The following IRAG1 variants were observed in gnomAD, a reference collection of about 807,000 sequenced individuals.
IRAG1 encodes the protein inositol 1,4,5-triphosphate receptor associated 1, also known as IP3R-associated cGMP kinase substrate.
IRAG1 carries 62 observed loss-of-function variants against 106.2 expected under a neutral mutation model. The observed-to-expected ratio is 0.58, with a 90% CI of 0.48 to 0.72. The LOEUF (loss-of-function observed/expected upper bound fraction) is 0.72, where lower values mean the gene tolerates loss of function less well. IRAG1 is among the 30% of genes least tolerant of loss of function. The probability of loss-of-function intolerance (pLI) is 0.00; values close to 1 mark genes in which losing one functional copy is unlikely to be tolerated. For synonymous variants in IRAG1, 462 were observed against 443.9 expected (o/e 1.04, Z -0.51); for missense variants, 1,064 against 1,140.7 (o/e 0.93, Z 0.97).
At chr11:10,649,355 A>T (rs1589914839) in intron 2 of IRAG1, among the ~76,000 whole-genome samples, 1 of 152,194 alleles carries the variant, frequency 6.6e-6, no homozygotes, top group African/African-American at 2.4e-5. Context: ...CCCCAGCTTC[A>T]TGGTCCCTCA....
chr11:10,693,538 A>G lies in IRAG1; in HGVS notation c.65T>C (p.Leu22Ser). The G allele has an allele frequency of 6.5e-7, 1 of 1,535,640 alleles. No homozygotes were observed. The highest frequency in any genetic ancestry group is 8.7e-7 in the Non-Finnish European group (1 of 1,146,864). Residue 22 changes from leucine (L) to serine (S), a missense_variant and splice_region_variant, in exon 1 of 21, where the codon TTA becomes TCA. By Grantham distance (145) the Leu-to-Ser change is moderately radical. Transcript: ENST00000423302. ...ARGGKENNSV[L>S]ACGAQASWSI... ...TCTAGGATATAGGGGAGGCTTACCT[A>G]AAACTGAGTTATTCTCCTTTCCTCC...
chr11:10,623,165 G>A (rs1024056866), intron 10 of IRAG1, among the ~76,000 whole-genome samples: 3 of 152,202 alleles, frequency 2.0e-5, no homozygotes, highest in African/African-American at 7.2e-5. Flanking sequence ...GAATGGGGCC[G>A]AGGAAGGGTG....
chr11:10,664,092 T>C (rs1277589217), intron 1 of IRAG1, among the ~76,000 whole-genome samples: 2 of 152,158 alleles, frequency 1.3e-5, no homozygotes, highest in South Asian at 2.1e-4. Flanking sequence ...TTGATCATTC[T>C]AGATCCCAGC....
At position 10,647,811 on chromosome 11, in the gene IRAG1, G is replaced by A. The variant is rs1402270722; in HGVS notation, c.225+4214C>T. Among the ~76,000 whole-genome samples, 1 of 152,194 alleles carries A rather than the reference G, an allele frequency of 6.6e-6. No individual in the cohort carries two copies. The highest frequency in any genetic ancestry group is 1.5e-5 in the Non-Finnish European group (1 of 68,040). ...GTAAGGCGGAGATGGGCTGGTATGTGTCCTGAGCGGAGGTTAGGAAGGCTC... is the reference window on the plus strand; with the variant it reads ...GTAAGGCGGAGATGGGCTGGTATGTATCCTGAGCGGAGGTTAGGAAGGCTC... On this transcript the variant is annotated intron_variant, in intron 2 of 20. Transcript: ENST00000423302. This position sits in a 1 kb window ranked among gnomAD's most constrained non-coding sequence, Gnocchi z 4.3.
chr11:10,638,184 A>T (rs538486077), intron 2 of IRAG1, among the ~76,000 whole-genome samples: 3 of 152,336 alleles, frequency 2.0e-5, no homozygotes, highest in South Asian at 4.1e-4. Context: ...AGTGTTTACA[A>T]GTTTTTAAAT....
intron 9 of IRAG1, among the ~76,000 whole-genome samples, chr11:10,624,537 C>A (rs1469667729): frequency 6.6e-6 from 1 of 152,276 alleles, no homozygotes; most frequent in South Asian, 2.1e-4. Context: ...AGGCACCTGG[C>A]AGAGCTCCTT....
intron 7 of IRAG1, 64 bp downstream of exon 7, chr11:10,627,909 G>C (rs1856378632): frequency 1.3e-6 from 2 of 1,576,622 alleles, no homozygotes; most frequent in East Asian, 4.5e-5. Context: ...GCCTCCTGGT[G>C]TTCGGGGTAA....
intron 2 of IRAG1, among the ~76,000 whole-genome samples, chr11:10,635,425 G>A (rs982670498): frequency 6.6e-6 from 1 of 152,174 alleles, no homozygotes; most frequent in Non-Finnish European, 1.5e-5. Context: ...AGCAGTGGGT[G>A]CCCACTGTCT....
intron 8 of IRAG1, 83 bp downstream of exon 8, chr11:10,627,633 G>T: frequency 6.7e-7 from 1 of 1,492,252 alleles, no homozygotes; most frequent in Non-Finnish European, 9.3e-7. Context: ...ACACTTGAAG[G>T]CTGCCCAGGA....
At chr11:10,635,122 G>A (rs976861351) in intron 2 of IRAG1, among the ~76,000 whole-genome samples, 2 of 152,202 alleles carry the variant, frequency 1.3e-5, no homozygotes, top group African/African-American at 2.4e-5. Context: ...GGAAAAGGTA[G>A]TGGCACCCAC....
At chr11:10,684,971 TC>T (rs1861559099) in intron 1 of IRAG1, among the ~76,000 whole-genome samples, 1 of 152,204 alleles carries the variant, frequency 6.6e-6, no homozygotes, top group Admixed American at 6.5e-5. Context: ...AAGAGGCCCT[TC>T]CTGAGCTCTG....
chr11:10,676,526 G>C (rs10770132), intron 1 of IRAG1, among the ~76,000 whole-genome samples: 1 of 151,990 alleles, frequency 6.6e-6, no homozygotes, highest in Non-Finnish European at 1.5e-5. Flanking sequence ...GAATGAGCAC[G>C]TGACTCAGAC....
Position 10,573,340 on chromosome 11 carries a change from AC to A in IRAG1, c.*2991del, listed in dbSNP as rs2134025339. 1 of 152,320 alleles carries A rather than the reference AC, an allele frequency of 6.6e-6. No homozygotes were observed. Among genetic ancestry groups the A allele is most frequent in the East Asian group, 1.9e-4 (1 of 5,170 alleles). 9.4% of individuals were successfully genotyped at this position (152,320 alleles called of 1,614,324 possible). ...AATGACACAAACACATCACTCTGCA[AC>A]TGAAGGCAGGGAACCAGACTCCTAG... On this transcript the variant is annotated 3_prime_UTR_variant, in exon 21 of 21. Coordinates refer to ENST00000423302, the MANE Select transcript of IRAG1 (RefSeq NM_130385.4).
intron 1 of IRAG1, among the ~76,000 whole-genome samples, chr11:10,662,225 G>A (rs1274923579): frequency 6.6e-6 from 1 of 152,136 alleles, no homozygotes; most frequent in South Asian, 2.1e-4. Flanking sequence ...TGGCCAACAT[G>A]GTGAAACCCC....
chr11:10,578,321 A>T (rs1851038790), intron 20 of IRAG1, among the ~76,000 whole-genome samples: 1 of 152,242 alleles, frequency 6.6e-6, no homozygotes, highest in African/African-American at 2.4e-5. Context: ...CAAAAGTTTT[A>T]TCTTGTCCCT....
At chr11:10,680,401 G>GAAGGAAAGA (rs1210013170) in intron 1 of IRAG1, among the ~76,000 whole-genome samples, 13 of 123,922 alleles carry the variant, frequency 1.0e-4, no homozygotes, top group Non-Finnish European at 2.0e-4. Flanking sequence ...AGGAAGGAAG[G>GAAGGAAAGA]AAGGAAAGAA....
At chr11:10,677,139 C>G (rs984574565) in intron 1 of IRAG1, among the ~76,000 whole-genome samples, 2 of 152,136 alleles carry the variant, frequency 1.3e-5, no homozygotes, top group Admixed American at 6.5e-5. Context: ...ATACTCTGTG[C>G]CCCACCCATA....
intron 1 of IRAG1, among the ~76,000 whole-genome samples, chr11:10,680,904 T>C (rs1861204001): frequency 6.6e-6 from 1 of 152,150 alleles, no homozygotes; most frequent in Admixed American, 6.5e-5. Flanking sequence ...CTATAATGCA[T>C]AAAACTGTAA....
intron 15 of IRAG1, among the ~76,000 whole-genome samples, chr11:10,594,431 C>T (rs894733425): frequency 2.0e-5 from 3 of 152,072 alleles, no homozygotes; most frequent in Non-Finnish European, 4.4e-5. Context: ...CTATAGGAAG[C>T]CCCAGTCTTG....
Sources: allele counts gnomAD v4.1 joint callset (sites outside exome capture counted in the v4.1 genomes callset), GRCh38; gene constraint gnomAD v4.1.1; non-coding constraint Gnocchi (gnomAD v3.1); transcripts MANE v1.5; gene names NCBI Gene and HGNC (gene_info 2026-07-23, HGNC 2026-07-21).